LTBP4: variants seen among roughly 807,000 people sequenced by gnomAD.
LTBP4 encodes latent transforming growth factor beta binding protein 4.
LTBP4 carries 93 observed loss-of-function variants against 180.2 expected under a neutral mutation model. That is an observed-to-expected ratio of 0.52 (90% CI 0.44 to 0.61). LTBP4 has a LOEUF of 0.61. LTBP4 is among the 20% of genes least tolerant of loss of function. The pLI, the probability that LTBP4 is intolerant of heterozygous loss-of-function variation, is 0.00. For missense variants in LTBP4, 2,116 were observed against 2,256.5 expected (o/e 0.94, Z 1.26); for synonymous variants, 947 against 934.5 (o/e 1.01, Z -0.24).
chr19:40,625,908 G>C lies in LTBP4; in HGVS notation c.3884G>C (p.Ser1295Thr). The change falls in exon 27 of 30, where the codon AGC (serine) becomes ACC (threonine). Residue 1295 changes from serine to threonine, a missense_variant. Ser to Thr is a moderately conservative substitution (Grantham distance 58). This residue lies in a region of LTBP4 where 488 missense variants were observed against 458.8 expected (regional missense o/e 1.06). Coordinates refer to ENST00000396819, the MANE Select transcript of LTBP4 (RefSeq NM_001042545.2). ...GAAGTGGGGGCTGACCTCGTGTGCAGCCACCCTCGGCTGGACCGTCAGGCC... is the reference window on the plus strand; with the variant it reads ...GAAGTGGGGGCTGACCTCGTGTGCACCCACCCTCGGCTGGACCGTCAGGCC... ...WQEVGADLVC[S>T]HPRLDRQATY... 6.2e-7 allele frequency: 1 copy of C among 1,601,450 alleles called. No individual in the cohort carries two copies. Among genetic ancestry groups the C allele is most frequent in the Non-Finnish European group, 8.5e-7 (1 of 1,174,888 alleles).
chr19:40,610,427 G>C, intron 11 of LTBP4, 105 bp from the exon 12 acceptor site: 2 of 1,378,168 alleles, frequency 1.5e-6, no homozygotes, highest in Non-Finnish European at 2.0e-6. Context: ...TCCTGGCTCT[G>C]GCCCAAGCTT....
chr19:40,611,247 C>G lies in LTBP4; in HGVS notation c.1906C>G (p.Arg636Gly). 1 of 1,613,156 alleles carries G rather than the reference C, an allele frequency of 6.2e-7. No homozygotes were observed. The highest frequency in any genetic ancestry group is 8.5e-7 in the Non-Finnish European group (1 of 1,179,590). The change falls in exon 13 of 30, where the codon CGG (arginine) becomes GGG (glycine). Residue 636 changes from arginine (R) to glycine (G), a missense_variant. Around this residue, in one of 5 missense-constraint regions of LTBP4, gnomAD observed 877 missense variants for 873.6 expected, o/e 1.00. Coordinates refer to ENST00000396819, the MANE Select transcript of LTBP4 (RefSeq NM_001042545.2). This position sits in a 1 kb window ranked among gnomAD's most constrained non-coding sequence, Gnocchi z 4.4. ...SFRCVCPAGF[R>G]GSACEEDVDE... is the part of the protein sequence containing the mutation. Reference sequence around the variant, plus strand: ...CCGCTGTGTTTGCCCGGCTGGCTTCCGGGGCTCGGCGTGTGAAGAGGATGT... The same window carrying G: ...CCGCTGTGTTTGCCCGGCTGGCTTCGGGGGCTCGGCGTGTGAAGAGGATGT...
At chr19:40,601,234 C>T (rs1417842431), upstream of LTBP4, 9 of 474,682 alleles carry the variant, frequency 1.9e-5, no homozygotes, top group Admixed American at 6.4e-5. Context: ...CGCCCAGCCC[C>T]ACGCGCCCCC....
intron 22 of LTBP4, among the ~76,000 whole-genome samples, chr19:40,621,894 T>C (rs930035460): frequency 4.6e-5 from 7 of 152,100 alleles, no homozygotes; most frequent in African/African-American, 9.7e-5. Flanking sequence ...ATTACAGGCA[T>C]GCGCCACCAC....
chr19:40,597,139 C>CGGGCGG (rs933571249), upstream of LTBP4: 233 of 1,047,528 alleles, frequency 2.2e-4, no homozygotes, highest in South Asian at 1.5e-3. Context: ...GAGTCGGCCT[C>CGGGCGG]GGGCGGGGGC....
chr19:40,593,257 T>G, intron 1 of LTBP4: 1 of 1,567,862 alleles, frequency 6.4e-7, no homozygotes, highest in South Asian at 1.1e-5. Flanking sequence ...GTTTGTTTGT[T>G]TTTGAGACAG....
rs1310375653 is a variant in LTBP4, at chr19:40,605,597, G to T, written c.635G>T (p.Gly212Val). 6.2e-7 allele frequency: 1 copy of T among 1,600,086 alleles called. No homozygotes were observed. Among genetic ancestry groups the T allele is most frequent in the African/African-American group, 1.3e-5 (1 of 74,872 alleles). ...GCACAGAGCGCGCCGCGGGAGGACG[G>T]CTACTCAGATGCCTCGGGCTTCGGT... ...VLAQSAPRED[G>V]YSDASGFGYC... The change falls in exon 3 of 30, where the codon GGC becomes GTC. Residue 212 changes from glycine to valine, a missense_variant. Transcript: ENST00000396819. The surrounding 1 kb of genome is among the most constrained non-coding windows in gnomAD (Gnocchi z 5.5).
Position 40,605,292 on chromosome 19 carries a change from C to T in LTBP4, c.442+66C>T, listed in dbSNP as rs1415469969. The T allele has an allele frequency of 3.2e-6, 5 of 1,558,354 alleles. No homozygotes were observed. The highest frequency in any genetic ancestry group is 3.3e-4 in the Middle Eastern group (2 of 5,996). On this transcript the variant is annotated intron_variant, in intron 2 of 29. Transcript: ENST00000396819. The surrounding 1 kb of genome is among the most constrained non-coding windows in gnomAD (Gnocchi z 5.5). ...AGCATTTCACTTTGCCCCTGACCCT[C>T]ATATTTCCCGCCTTCCCGAGCACCT...
chr19:40,629,252 C>CA lies in LTBP4; in HGVS notation c.4520-143dup. 2.4e-6 allele frequency: 2 copies of CA among 833,798 alleles called. No individual in the cohort carries two copies. Among genetic ancestry groups the CA allele is most frequent in the Non-Finnish European group, 3.6e-6 (2 of 561,362 alleles). The allele number at this position is 833,798 out of a possible 1,614,324, so 51.6% of individuals were successfully genotyped here. Reference sequence around the variant, plus strand: ...TGAGGTTAAGCCACCTGGCCGGGCTCACACAGTTAGCAGATGGCAGAGGCC... The same window carrying CA: ...TGAGGTTAAGCCACCTGGCCGGGCTCAACACAGTTAGCAGATGGCAGAGGCC... On this transcript the variant is annotated intron_variant, in intron 29 of 29. Coordinates refer to ENST00000396819, the MANE Select transcript of LTBP4 (RefSeq NM_001042545.2). This position sits in a 1 kb window ranked among gnomAD's most constrained non-coding sequence, Gnocchi z 4.5.
At chr19:40,606,106 T>A (rs1037569845) in intron 4 of LTBP4, 127 bp from the exon 5 acceptor site, 4 of 940,454 alleles carry the variant, frequency 4.3e-6, no homozygotes, top group African/African-American at 1.6e-5. Flanking sequence ...ACTGCCAACC[T>A]AAGGCTGTCC....
Position 40,617,134 on chromosome 19 carries a change from T to C in LTBP4, c.2979T>C (p.Gly993=), listed in dbSNP as rs759717026. ...AATGCCGGAACCGGTCCTTCTGCGG[T>C]GCCCACGCCGTGTGCCAGAACCTGC... ...VDECRNRSFC[G]AHAVCQNLPG... Residue 993 remains glycine, a synonymous_variant, in exon 21 of 30, where the codon GGT becomes GGC. Transcript: ENST00000396819. 6.2e-7 allele frequency: 1 copy of C among 1,613,978 alleles called. No individual in the cohort carries two copies. Among genetic ancestry groups the C allele is most frequent in the Non-Finnish European group, 8.5e-7 (1 of 1,179,884 alleles).
In LTBP4 at chr19:40,614,423, CG is replaced by C. The variant is rs1170255329; in HGVS notation, c.2792del (p.Gly931AlafsTer95). 1 of 1,599,288 alleles carries C rather than the reference CG, an allele frequency of 6.3e-7. No homozygotes were observed. The highest frequency in any genetic ancestry group is 8.5e-7 in the Non-Finnish European group (1 of 1,179,700). ...CGGGACTGCGATCCTGGGTACCACG[CG>C]GGCCCCGAGGGCACCTGTGACGGTG... is the stretch of plus-strand genomic sequence containing the variant. ...CVRDCDPGYH[A>X]GPEGTCDDVD... On this transcript the variant is annotated frameshift_variant, in exon 19 of 30. Transcript: ENST00000396819. LOFTEE classifies it high-confidence loss of function.
upstream of LTBP4, chr19:40,597,429 T>C: frequency 7.0e-7 from 1 of 1,423,250 alleles, no homozygotes; most frequent in South Asian, 1.4e-5. Context: ...AGTCTGGTGG[T>C]CCAGGAGGAC....
intron 27 of LTBP4, 87 bp from the exon 28 acceptor site, chr19:40,626,888 C>T (rs2081637150): frequency 7.0e-7 from 1 of 1,433,948 alleles, no homozygotes; most frequent in Non-Finnish European, 9.1e-7. Flanking sequence ...CCATCCAGTC[C>T]TCTGCCTCCT....
At position 40,623,887 on chromosome 19, in the gene LTBP4, A is replaced by G. The variant is rs376045318; in HGVS notation, c.3686-49A>G. ...CAATGTGCTGGGAAGAGAAATGGGA[A>G]AGGGTGGGGAGAGTTGAAGGGGATG... On this transcript the variant is annotated intron_variant, in intron 25 of 29. Coordinates refer to ENST00000396819, the MANE Select transcript of LTBP4 (RefSeq NM_001042545.2). The G allele has an allele frequency of 5.0e-6, 8 of 1,605,792 alleles. No homozygotes were observed. The African/African-American group carries it at 6.7e-5, about 13-fold the overall frequency.
Position 40,613,070 on chromosome 19 carries a change from G to T in LTBP4, c.2305G>T (p.Asp769Tyr). Reference protein sequence around the residue: ...HLHRGRCTDVDECSSGAPPCG... With the variant: ...HLHRGRCTDVYECSSGAPPCG... ...AACACCCCCACCCCCCACAGATGTG[G>T]ACGAATGCAGTTCGGGTGCCCCTCC... The change falls in exon 16 of 30, where the codon GAC (aspartate) becomes TAC (tyrosine). Residue 769 changes from aspartate (D) to tyrosine (Y), a missense_variant. By Grantham distance (160) the Asp-to-Tyr change is radical (BLOSUM62 -3). This residue lies in a region of LTBP4 where 877 missense variants were observed against 873.6 expected (regional missense o/e 1.00). Transcript: ENST00000396819. The surrounding 1 kb of genome is among the most constrained non-coding windows in gnomAD (Gnocchi z 5.0). 6.2e-7 allele frequency: 1 copy of T among 1,611,952 alleles called. No individual in the cohort carries two copies. Among genetic ancestry groups the T allele is most frequent in the East Asian group, 2.2e-5 (1 of 44,788 alleles).
At chr19:40,602,484 A>G (rs1392612180) in intron 1 of LTBP4, among the ~76,000 whole-genome samples, 1 of 151,554 alleles carries the variant, frequency 6.6e-6, no homozygotes, top group Non-Finnish European at 1.5e-5. Flanking sequence ...GGAGCGGAGA[A>G]CTCGCCCAGC....
Position 40,605,837 on chromosome 19 carries a change from C to T in LTBP4, c.793+6C>T, listed in dbSNP as rs1311666707. 1 of 1,536,578 alleles carries T rather than the reference C, an allele frequency of 6.5e-7. No homozygotes were observed. The highest frequency in any genetic ancestry group is 8.7e-7 in the Non-Finnish European group (1 of 1,146,446). On this transcript the variant is annotated splice_donor_region_variant and intron_variant, in intron 4 of 29. Coordinates refer to ENST00000396819, the MANE Select transcript of LTBP4 (RefSeq NM_001042545.2). This position sits in a 1 kb window ranked among gnomAD's most constrained non-coding sequence, Gnocchi z 5.5. ...GCTGTGCTCCGAGCGCCTGGGTAAG[C>T]CCCAGGACGTCCCCGAAGTGCTCGG...
rs918071405 is a variant in LTBP4, at chr19:40,629,312, C to T, written c.4520-84C>T. 304 of 1,575,704 alleles carry T rather than the reference C, an allele frequency of 1.9e-4. No individual in the cohort carries two copies. Among genetic ancestry groups the T allele is most frequent in the Non-Finnish European group, 2.6e-4 (300 of 1,147,774 alleles). On this transcript the variant is annotated intron_variant, in intron 29 of 29. Transcript: ENST00000396819. The surrounding 1 kb of genome is among the most constrained non-coding windows in gnomAD (Gnocchi z 4.5). The stretch of plus-strand genomic sequence containing the variant: ...TCCAAACTGCTCAGCATCTGTGCTC[C>T]TCTGTTCCAAGAACTTAAGGGGCCA...
Sources: gnomAD v4.1 joint callset for allele counts (sites outside exome capture counted in the v4.1 genomes callset) on GRCh38, gnomAD v4.1.1 for gene constraint, gnomAD v4.1.1 regional missense constraint, Gnocchi (gnomAD v3.1) non-coding constraint, MANE v1.5 for transcripts, NCBI Gene and HGNC (gene_info 2026-07-23, HGNC 2026-07-21) for gene names.